The following AKAP6 variants were observed in gnomAD, a reference collection of about 807,000 sequenced individuals.
AKAP6 encodes A-kinase anchoring protein 6.
AKAP6 carries 58 observed loss-of-function variants against 188.5 expected under a neutral mutation model. The ratio of observed to expected loss-of-function variants is 0.31; its 90% CI spans 0.25 to 0.38. The LOEUF is 0.38. Ranked by LOEUF, AKAP6 falls within the 10% of genes least tolerant of loss-of-function variation. The pLI, the probability that AKAP6 is intolerant of heterozygous loss-of-function variation, is 1.00. For synonymous variants in AKAP6, 989 were observed against 998.6 expected (o/e 0.99, Z 0.18); for missense variants, 2,710 against 2,740.0 (o/e 0.99, Z 0.24).
At chr14:32,556,940 A>G (rs1266928469) in intron 4 of AKAP6, among the ~76,000 whole-genome samples, 3 of 150,584 alleles carry the variant, frequency 2.0e-5, no homozygotes, top group East Asian at 1.9e-4. Flanking sequence ...TTAAATTTCA[A>G]TGTAGTTCCC....
At chr14:32,483,785 A>G (rs1483170813) in intron 2 of AKAP6, among the ~76,000 whole-genome samples, 1 of 151,814 alleles carries the variant, frequency 6.6e-6, no homozygotes, top group African/African-American at 2.4e-5. Context: ...TGCCCCCCAG[A>G]TTTATTTATT....
At chr14:32,690,914 T>C (rs911205264) in intron 8 of AKAP6, among the ~76,000 whole-genome samples, 2 of 152,192 alleles carry the variant, frequency 1.3e-5, no homozygotes, top group Non-Finnish European at 2.9e-5. Flanking sequence ...GGTTAAATGT[T>C]TGCTTTATAA....
At chr14:32,378,182 G>A (rs1161716624) in intron 1 of AKAP6, among the ~76,000 whole-genome samples, 2 of 64,010 alleles carry the variant, frequency 3.1e-5, no homozygotes, top group Non-Finnish European at 6.9e-5. Flanking sequence ...TGTCATGGCT[G>A]CCATATTATA....
intron 1 of AKAP6, among the ~76,000 whole-genome samples, chr14:32,404,864 C>G (rs181201475): frequency 6.9e-4 from 102 of 148,768 alleles, no homozygotes; most frequent in African/African-American, 2.4e-3. Flanking sequence ...AGGGCAGTGT[C>G]TTTCCATCCC....
chr14:32,410,266 C>T (rs1259007892), intron 1 of AKAP6, among the ~76,000 whole-genome samples: 1 of 152,110 alleles, frequency 6.6e-6, no homozygotes. Flanking sequence ...CTGAAGGTTT[C>T]CTCTGCACAA....
chr14:32,373,616 G>C (rs1355231066), intron 1 of AKAP6: 1 of 152,190 alleles, frequency 6.6e-6, no homozygotes, highest in Non-Finnish European at 1.5e-5. Context: ...AGGCAAGAAG[G>C]AGGTCTGCTT....
At chr14:32,489,703 A>T (rs545970805) in intron 2 of AKAP6, among the ~76,000 whole-genome samples, 10 of 152,212 alleles carry the variant, frequency 6.6e-5, no homozygotes, top group African/African-American at 9.6e-5. Flanking sequence ...TAAGTAATAT[A>T]CTTTTTGACT....
At chr14:32,508,960 G>A (rs1208041459) in intron 2 of AKAP6, among the ~76,000 whole-genome samples, 1 of 151,518 alleles carries the variant, frequency 6.6e-6, no homozygotes, top group Non-Finnish European at 1.5e-5. Context: ...AGGTAGCTGG[G>A]ACTATAGGCG....
intron 11 of AKAP6, among the ~76,000 whole-genome samples, chr14:32,745,497 GTCTCTCTCTC>G (rs368703359): frequency 1.8e-5 from 1 of 54,920 alleles, no homozygotes; most frequent in African/African-American, 6.6e-5. Context: ...CTCTCTCTCT[GTCTCTCTCTC>G]TCTCTCTCTC....
At position 32,372,655 on chromosome 14, in the gene AKAP6, C is replaced by T. The variant is rs536255642; in HGVS notation, c.-35+43247C>T. Reference sequence around the variant, plus strand: ...AATCAAGCATTAAATTATTAATTGGCAAGAATTTTTCTGAAAACACTAGTA... The same window carrying T: ...AATCAAGCATTAAATTATTAATTGGTAAGAATTTTTCTGAAAACACTAGTA... On this transcript the variant is annotated intron_variant, in intron 1 of 13. Transcript: ENST00000280979. 2.6e-5 allele frequency among the ~76,000 whole-genome samples: 4 copies of T among 151,262 alleles called. No individual in the cohort carries two copies. The South Asian group carries it at 8.4e-4, about 32-fold the overall frequency.
chr14:32,631,508 G>T lies in AKAP6; in HGVS notation c.2730+30716G>T, dbSNP rs557671661. On this transcript the variant is annotated intron_variant, in intron 7 of 13. Transcript: ENST00000280979. ...TTAGTAAACACTGGATATTACAGTT[G>T]TGTAGTTGTACAAAACCAGGAGAAA... Among the ~76,000 whole-genome samples the T allele has an allele frequency of 2.6e-5, 4 of 152,186 alleles. No homozygotes were observed. In the South Asian group the frequency reaches 8.3e-4, roughly 32 times the overall value.
chr14:32,396,272 A>C (rs543712678), intron 1 of AKAP6, among the ~76,000 whole-genome samples: 2 of 152,160 alleles, frequency 1.3e-5, no homozygotes, highest in Admixed American at 1.3e-4. Context: ...TGCCAGCCTC[A>C]TGGTGTTTAG....
At chr14:32,777,483 GACATTAA>G (rs945908041) in intron 12 of AKAP6, among the ~76,000 whole-genome samples, 1 of 151,968 alleles carries the variant, frequency 6.6e-6, no homozygotes, top group African/African-American at 2.4e-5. Flanking sequence ...ATTAAGTAGA[GACATTAA>G]AAATATCTAC....
At chr14:32,778,078 G>C (rs1362375092) in intron 12 of AKAP6, among the ~76,000 whole-genome samples, 1 of 152,004 alleles carries the variant, frequency 6.6e-6, no homozygotes, top group Non-Finnish European at 1.5e-5. Flanking sequence ...AAATAACCTA[G>C]AATTATATAT....
intron 4 of AKAP6, among the ~76,000 whole-genome samples, chr14:32,547,225 G>A (rs1349135853): frequency 6.6e-6 from 1 of 152,162 alleles, no homozygotes; most frequent in Admixed American, 6.5e-5. Context: ...GCTCCTGCCT[G>A]GTATAGAATT....
At chr14:32,644,960 T>C (rs141654474) in intron 7 of AKAP6, among the ~76,000 whole-genome samples, 552 of 152,262 alleles carry the variant, frequency 3.6e-3, no homozygotes, top group African/African-American at 0.012. Context: ...AATCAATGGA[T>C]CATTCAAACA....
chr14:32,722,420 T>C (rs2030592691), intron 9 of AKAP6, among the ~76,000 whole-genome samples: 1 of 151,956 alleles, frequency 6.6e-6, no homozygotes, highest in South Asian at 2.1e-4. Context: ...AAATATTGGG[T>C]AGAAGAGGGC....
rs1555358142 is a variant in AKAP6, at chr14:32,741,030, T to TTG, written c.3372+5156_3372+5157dup. 3.5e-3 allele frequency among the ~76,000 whole-genome samples: 531 copies of TTG among 150,510 alleles called. 4 individuals are homozygous for TTG. Among genetic ancestry groups the TTG allele is most frequent in the Middle Eastern group, 0.014 (4 of 288 alleles). ...TCTTTCCTTTTTTCTTTTTTTTTTT[T>TTG]TGTGTGTGTTCTCTTCAATTTCTTT... On this transcript the variant is annotated intron_variant, in intron 11 of 13. Coordinates refer to ENST00000280979, the MANE Select transcript of AKAP6 (RefSeq NM_004274.5).
chr14:32,690,372 A>G (rs1420514860), intron 8 of AKAP6, among the ~76,000 whole-genome samples: 1 of 152,164 alleles, frequency 6.6e-6, no homozygotes, highest in East Asian at 1.9e-4. Context: ...TTTAAATACC[A>G]AAGGCTGAAT....
Sources: allele counts gnomAD v4.1 joint callset (sites outside exome capture counted in the v4.1 genomes callset), GRCh38; gene constraint gnomAD v4.1.1; transcripts MANE v1.5; gene names NCBI Gene and HGNC (gene_info 2026-07-23, HGNC 2026-07-21).